Variants in DYNC2H1 observed in about 807,000 individuals in gnomAD.
DYNC2H1 encodes the protein cytoplasmic dynein 2 heavy chain 1.
In DYNC2H1, 410 loss-of-function variants were observed where a neutral mutation model predicts 570.0. The ratio of observed to expected loss-of-function variants is 0.72; its 90% confidence interval spans 0.66 to 0.78. The LOEUF is 0.78. Among genes scored for constraint, DYNC2H1 ranks in the 30% least tolerant of loss-of-function variants. The pLI, the probability that DYNC2H1 is intolerant of heterozygous loss-of-function variation, is 0.00. For missense variants in DYNC2H1, 4,865 were observed against 5,046.4 expected (o/e 0.96, Z 1.09); for synonymous variants, 1,688 against 1,677.6 (o/e 1.01, Z -0.15).
chr11:103,161,126 A>G (rs1236954347), intron 29 of DYNC2H1, 82 bp downstream of exon 29: 1 of 757,080 alleles, frequency 1.3e-6, no homozygotes, highest in Non-Finnish European at 2.0e-6. Context: ...TAGTCAATTT[A>G]GAGGGTAAAG....
chr11:103,448,124 G>A (rs749337361), intron 85 of DYNC2H1, among the ~76,000 whole-genome samples: 39 of 152,034 alleles, frequency 2.6e-4, no homozygotes, highest in Non-Finnish European at 5.1e-4. Flanking sequence ...AAGGATTAAA[G>A]GGGGAAGAAA....
intron 85 of DYNC2H1, among the ~76,000 whole-genome samples, chr11:103,453,284 T>A (rs1429055537): frequency 6.6e-6 from 1 of 151,706 alleles, no homozygotes; most frequent in Non-Finnish European, 1.5e-5. Context: ...AAAGCCCAAT[T>A]TATGTGTGCA....
At chr11:103,362,658 A>T (rs959931275) in intron 83 of DYNC2H1, among the ~76,000 whole-genome samples, 3 of 152,150 alleles carry the variant, frequency 2.0e-5, no homozygotes, top group African/African-American at 4.8e-5. Flanking sequence ...GACTTGCCTT[A>T]GTTGACCAAA....
rs1310815109 is a variant in DYNC2H1, at chr11:103,244,748, T to A, written c.9919-503T>A. 6.7e-6 allele frequency among the ~76,000 whole-genome samples: 1 copy of A among 148,228 alleles called. No individual in the cohort carries two copies. Among genetic ancestry groups the A allele is most frequent in the African/African-American group, 2.5e-5 (1 of 40,766 alleles). Reference sequence around the variant, plus strand: ...TATACATATAAGTATATAAATATACTATATATATCTATAGTTACAGTTATA... The same window carrying A: ...TATACATATAAGTATATAAATATACAATATATATCTATAGTTACAGTTATA... On this transcript the variant is annotated intron_variant, in intron 64 of 88. Coordinates refer to ENST00000375735, the MANE Select transcript of DYNC2H1 (RefSeq NM_001377.3). This position sits in a 1 kb window ranked among gnomAD's most constrained non-coding sequence, Gnocchi z 4.3.
intron 76 of DYNC2H1, 88 bp downstream of exon 76, chr11:103,303,341 G>A: frequency 7.0e-7 from 1 of 1,432,772 alleles, no homozygotes; most frequent in African/African-American, 1.4e-5. Flanking sequence ...TTTTTGTTGT[G>A]ATAAGCCAAA....
chr11:103,415,909 A>G (rs1943263854), intron 84 of DYNC2H1, among the ~76,000 whole-genome samples: 2 of 152,254 alleles, frequency 1.3e-5, no homozygotes, highest in Admixed American at 6.5e-5. Context: ...CCAAATGTCT[A>G]TCAATGATAG....
rs1229654088 is a variant in DYNC2H1 at position 103,228,293 on chromosome 11, G to A, written c.9354-2967G>A. On this transcript the variant is annotated intron_variant, in intron 59 of 88. Coordinates refer to ENST00000375735, the MANE Select transcript of DYNC2H1 (RefSeq NM_001377.3). The surrounding 1 kb of genome is among the most constrained non-coding windows in gnomAD (Gnocchi z 6.1). ...GTCATATTACCACAATTGTTTTTCTGGTTCCTTCTCATTTGGGTAGACTAT... is the reference window on the plus strand; with the variant it reads ...GTCATATTACCACAATTGTTTTTCTAGTTCCTTCTCATTTGGGTAGACTAT... 6.6e-6 allele frequency among the ~76,000 whole-genome samples: 1 copy of A among 152,086 alleles called. No individual in the cohort carries two copies. The highest frequency in any genetic ancestry group is 2.4e-5 in the African/African-American group (1 of 41,420).
At chr11:103,379,721 C>T (rs1371293629) in intron 83 of DYNC2H1, among the ~76,000 whole-genome samples, 2 of 152,102 alleles carry the variant, frequency 1.3e-5, no homozygotes, top group South Asian at 2.1e-4. Context: ...ATGAACAAAC[C>T]ATGACAGATT....
intron 83 of DYNC2H1, among the ~76,000 whole-genome samples, chr11:103,390,688 G>A (rs1035632341): frequency 6.6e-6 from 1 of 152,302 alleles, no homozygotes; most frequent in South Asian, 2.1e-4. Context: ...TGTAGGGCAG[G>A]CCCGGTGGTG....
At chr11:103,322,459 T>A (rs1938258690) in intron 81 of DYNC2H1, among the ~76,000 whole-genome samples, 1 of 152,210 alleles carries the variant, frequency 6.6e-6, no homozygotes, top group African/African-American at 2.4e-5. Flanking sequence ...GAATTTCTCC[T>A]TATGTTCCCT....
At chr11:103,200,195 G>T (rs1001829565) in intron 50 of DYNC2H1, 41 bp downstream of exon 50, 8 of 1,362,460 alleles carry the variant, frequency 5.9e-6, no homozygotes, top group Non-Finnish European at 8.0e-6. Flanking sequence ...AAAAATAATG[G>T]CATAAAAATT....
At chr11:103,162,056 GT>G (rs890905330) in intron 29 of DYNC2H1, among the ~76,000 whole-genome samples, 2 of 151,902 alleles carry the variant, frequency 1.3e-5, no homozygotes, top group Non-Finnish European at 2.9e-5. Flanking sequence ...TAAGAGTTTT[GT>G]TTTTTTTCCT....
At chr11:103,234,785 T>C (rs1422423344) in intron 61 of DYNC2H1, among the ~76,000 whole-genome samples, 2 of 151,956 alleles carry the variant, frequency 1.3e-5, no homozygotes, top group South Asian at 4.1e-4. Flanking sequence ...AACTATACAT[T>C]AGACATTTGC....
chr11:103,379,194 A>T (rs1013918857), intron 83 of DYNC2H1, among the ~76,000 whole-genome samples: 2 of 152,194 alleles, frequency 1.3e-5, no homozygotes, highest in Non-Finnish European at 2.9e-5. Context: ...GGTTTGCCCC[A>T]GCCATGGCAG....
intron 80 of DYNC2H1, among the ~76,000 whole-genome samples, chr11:103,320,044 T>C (rs1938084693): frequency 6.6e-6 from 1 of 152,250 alleles, no homozygotes; most frequent in Non-Finnish European, 1.5e-5. Context: ...AATGGAACTA[T>C]GCTAGTAATG....
At chr11:103,270,336 C>T (rs1436172715) in intron 70 of DYNC2H1, among the ~76,000 whole-genome samples, 1 of 151,888 alleles carries the variant, frequency 6.6e-6, no homozygotes, top group Non-Finnish European at 1.5e-5. Context: ...TAGATAGTAC[C>T]AAACCCTATA....
At chr11:103,419,223 A>G (rs1943395063) in intron 84 of DYNC2H1, among the ~76,000 whole-genome samples, 1 of 152,194 alleles carries the variant, frequency 6.6e-6, no homozygotes, top group Non-Finnish European at 1.5e-5. Context: ...TTGGGAGAAT[A>G]CAAACAGTCC....
At chr11:103,424,442 C>G (rs942843273) in intron 84 of DYNC2H1, among the ~76,000 whole-genome samples, 7 of 151,948 alleles carry the variant, frequency 4.6e-5, no homozygotes, top group African/African-American at 1.5e-4. Context: ...ACATATTTGC[C>G]CACTATATCA....
intron 83 of DYNC2H1, among the ~76,000 whole-genome samples, chr11:103,387,247 G>T (rs533317252): frequency 1.3e-5 from 2 of 152,244 alleles, no homozygotes; most frequent in South Asian, 4.1e-4. Flanking sequence ...TTCTCTGATG[G>T]CCAGTGATGA....
Sources: gnomAD v4.1 joint callset for allele counts (sites outside exome capture counted in the v4.1 genomes callset) on GRCh38, gnomAD v4.1.1 for gene constraint, Gnocchi (gnomAD v3.1) non-coding constraint, MANE v1.5 for transcripts, NCBI Gene and HGNC (gene_info 2026-07-23, HGNC 2026-07-21) for gene names.